Variants in DDX11 observed in about 807,000 individuals in gnomAD.
DDX11 encodes the protein ATP-dependent DNA helicase DDX11.
DDX11 carries 72 observed loss-of-function variants against 125.2 expected under a neutral mutation model. The observed-to-expected ratio is 0.58, with a 90% CI of 0.48 to 0.70. The LOEUF (loss-of-function observed/expected upper bound fraction) is 0.70, where lower values mean the gene tolerates loss of function less well. Among genes scored for constraint, DDX11 ranks in the 30% least tolerant of loss-of-function variants. The pLI is 0.00. For synonymous variants in DDX11, 347 were observed against 452.6 expected, an observed-to-expected ratio of 0.77 and a Z score of 2.96; for missense variants, 883 against 1,165.0, an observed-to-expected ratio of 0.76 and a Z score of 3.52.
intron 7 of DDX11, 38 bp downstream of exon 7, chr12:31,089,189 G>C (rs1943705220): frequency 6.4e-7 from 1 of 1,563,150 alleles, no homozygotes; most frequent in South Asian, 1.1e-5. Flanking sequence ...GGGCCATCCT[G>C]CTCCTTTCGC....
At chr12:31,095,827 G>A (rs1344415355) in intron 14 of DDX11, among the ~76,000 whole-genome samples, 4 of 152,100 alleles carry the variant, frequency 2.6e-5, no homozygotes, top group Non-Finnish European at 5.9e-5. Context: ...TCACCATTGA[G>A]GGAATCCTCA....
intron 5 of DDX11, 169 bp from the exon 6 acceptor site, chr12:31,087,769 G>C (rs1943414431): frequency 8.4e-7 from 1 of 1,187,532 alleles, no homozygotes; most frequent in Non-Finnish European, 1.2e-6. Context: ...ATGGGAGGTT[G>C]GGGTTGGCAT....
chr12:31,089,639 G>T, intron 8 of DDX11, 149 bp downstream of exon 8: 1 of 1,027,580 alleles, frequency 9.7e-7, no homozygotes, highest in South Asian at 1.4e-5. Context: ...TTGGGAAAAA[G>T]TGTTCCTACT....
At chr12:31,089,678 T>G (rs1029586013) in intron 8 of DDX11, 188 bp downstream of exon 8, 10 of 1,169,762 alleles carry the variant, frequency 8.5e-6, no homozygotes, top group Non-Finnish European at 1.1e-5. Context: ...TCCGAATCCT[T>G]GGCTTGGAGA....
At chr12:31,099,581 T>C (rs2553123) in intron 18 of DDX11, among the ~76,000 whole-genome samples, 73,819 of 140,978 alleles carry the variant, frequency 0.52, 20,580 homozygotes, top group East Asian at 0.81. Context: ...CCTCTTTGCC[T>C]TTAGAGTGTA....
Position 31,083,983 on chromosome 12 carries a change from G to A in DDX11, c.315G>A (p.Pro105=), listed in dbSNP as rs146986956. ...SSSCEGAAGT[P]RPAGEPAWVT... ...CCTGCGAAGGGGCTGCAGGCACCCCGAGGCCTGCTGGAGAACCGGCCTGGG... is the reference window on the plus strand; with the variant it reads ...CCTGCGAAGGGGCTGCAGGCACCCCAAGGCCTGCTGGAGAACCGGCCTGGG... Residue 105 remains proline (P), a synonymous_variant, in exon 3 of 27, where the codon CCG becomes CCA. Coordinates refer to ENST00000542838, the MANE Select transcript of DDX11 (RefSeq NM_030653.4). The A allele has an allele frequency of 4.2e-4, 673 of 1,613,938 alleles. 4 individuals are homozygous for A. In the African/African-American group the frequency reaches 7.8e-3, roughly 19 times the overall value.
intron 1 of DDX11, among the ~76,000 whole-genome samples, chr12:31,077,781 G>A (rs1216168336): frequency 6.6e-6 from 1 of 151,564 alleles, no homozygotes; most frequent in Non-Finnish European, 1.5e-5. Context: ...GAGGCGGAGC[G>A]TGCAGTGAGC....
Position 31,093,313 on chromosome 12 carries a change from C to CTG in DDX11, c.1361_1362dup (p.Leu455CysfsTer2), listed in dbSNP as rs1944568511. On this transcript the variant is annotated frameshift_variant, in exon 12 of 27. Coordinates refer to ENST00000542838, the MANE Select transcript of DDX11 (RefSeq NM_030653.4). LOFTEE classifies it high-confidence loss of function. ...CTGTATTTGCTGGAGAAATTCGTGGCTGTGCTAGGGGGTGAGAGCCTCGTC... is the reference window on the plus strand; with the variant it reads ...CTGTATTTGCTGGAGAAATTCGTGGCTGTGTGCTAGGGGGTGAGAGCCTCGTC... The CTG allele has an allele frequency of 6.2e-7, 1 of 1,613,630 alleles. No homozygotes were observed. Among genetic ancestry groups the CTG allele is most frequent in the African/African-American group, 1.3e-5 (1 of 74,886 alleles).
intron 20 of DDX11, 193 bp downstream of exon 20, chr12:31,101,323 C>T: frequency 1.6e-6 from 1 of 628,922 alleles, no homozygotes; most frequent in South Asian, 1.8e-5. Flanking sequence ...CTTCCCCGCC[C>T]CTCACGCCTT....
Position 31,104,356 on chromosome 12 carries a change from G to A in DDX11, c.*520G>A. 1 of 337,936 alleles carries A rather than the reference G, an allele frequency of 3.0e-6. No homozygotes were observed. The highest frequency in any genetic ancestry group is 3.7e-5 in the South Asian group (1 of 27,050). The allele number at this position is 337,936 out of a possible 1,614,324, so 20.9% of individuals were successfully genotyped here. A position where few individuals can be genotyped will look rare whatever the true frequency, so the allele number is the denominator to read the frequency against. On this transcript the variant is annotated 3_prime_UTR_variant, in exon 27 of 27. Coordinates refer to ENST00000542838, the MANE Select transcript of DDX11 (RefSeq NM_030653.4). ...GTCACCTTCCCCTCCTCCTTCCTGA[G>A]TCACTCCTTCAGTAGAAGGCCCTGC...
At position 31,103,801 on chromosome 12, in the gene DDX11, G is replaced by A. The variant is rs1317972662; in HGVS notation, c.2692-6G>A. Reference sequence around the variant, plus strand: ...TCACATTTCTCACTGCCTTCTGTCTGCCCAGTTTCACCGGGAGAAGTCGGC... The same window carrying A: ...TCACATTTCTCACTGCCTTCTGTCTACCCAGTTTCACCGGGAGAAGTCGGC... On this transcript the variant is annotated splice_polypyrimidine_tract_variant and splice_region_variant and intron_variant, in intron 26 of 26. Transcript: ENST00000542838. The A allele has an allele frequency of 3.7e-6, 6 of 1,613,776 alleles. No homozygotes were observed. The highest frequency in any genetic ancestry group is 5.1e-6 in the Non-Finnish European group (6 of 1,179,828).
chr12:31,102,269 C>G lies in DDX11; in HGVS notation c.2229C>G (p.His743Gln), dbSNP rs760610637. 9 of 1,614,008 alleles carry G rather than the reference C, an allele frequency of 5.6e-6. No homozygotes were observed. In the Admixed American group the frequency reaches 1.5e-4, roughly 27 times the overall value. Residue 743 changes from histidine (H) to glutamine (Q), a missense_variant, in exon 22 of 27, where the codon CAC (histidine) becomes CAG (glutamine). By Grantham distance (24) the His-to-Gln change is conservative (BLOSUM62 0). This residue lies in a region of DDX11 where 285 missense variants were observed against 346.0 expected (regional missense o/e 0.82). Transcript: ENST00000542838. ...KKIFQEPKSA[H>Q]QVEQVLLAYS... ...TATTCCAGGAACCTAAGAGCGCACA[C>G]CAGGTGGAGCAGGTGCTGCTGGCAT...
intron 12 of DDX11, chr12:31,094,296 T>C: frequency 2.5e-6 from 1 of 407,940 alleles, no homozygotes; most frequent in Non-Finnish European, 4.7e-6. Context: ...TCCGGTGCCC[T>C]GCATACCTTG....
rs1481937606 is a variant in DDX11, at chr12:31,097,832, G to A, written c.1763-53G>A. The A allele has an allele frequency of 3.5e-5, 38 of 1,083,944 alleles. 1 individual carries two copies. Among genetic ancestry groups the A allele is most frequent in the Non-Finnish European group, 4.2e-5 (30 of 712,546 alleles). The allele number at this position is 1,083,944 out of a possible 1,614,324, so 67.1% of individuals were successfully genotyped here. ...CCTGGGGGACCCCCTTTGCTGGGAC[G>A]ACAGAAGTGTCTGTTGGGCTTGCAC... On this transcript the variant is annotated intron_variant, in intron 17 of 26. Coordinates refer to ENST00000542838, the MANE Select transcript of DDX11 (RefSeq NM_030653.4).
At chr12:31,102,351 G>C in intron 22 of DDX11, 40 bp downstream of exon 22, 1 of 1,610,028 alleles carries the variant, frequency 6.2e-7, no homozygotes, top group South Asian at 1.1e-5. Context: ...AGATCGTGTG[G>C]GGGTGGCAGC....
chr12:31,077,915 G>A (rs1480581923), intron 1 of DDX11: 1 of 317,552 alleles, frequency 3.1e-6, no homozygotes, highest in Non-Finnish European at 6.2e-6. Context: ...TGTGCTTATG[G>A]TCCTCTGCCT....
rs1241333461 is a variant in DDX11 at position 31,088,450 on chromosome 12, C to T, written c.684+467C>T. Among the ~76,000 whole-genome samples the T allele has an allele frequency of 2.6e-5, 4 of 152,154 alleles. No homozygotes were observed. The East Asian group carries it at 7.7e-4, about 29-fold the overall frequency. Reference sequence around the variant, plus strand: ...CATGAGTCCCCTGCCCTTTGGGTCTCTCATGGTGTGCTTCTCCCTTTGTCT... The same window carrying T: ...CATGAGTCCCCTGCCCTTTGGGTCTTTCATGGTGTGCTTCTCCCTTTGTCT... On this transcript the variant is annotated intron_variant, in intron 6 of 26. Coordinates refer to ENST00000542838, the MANE Select transcript of DDX11 (RefSeq NM_030653.4).
intron 2 of DDX11, among the ~76,000 whole-genome samples, chr12:31,080,948 C>T (rs1440513059): frequency 1.3e-5 from 2 of 152,142 alleles, no homozygotes; most frequent in Non-Finnish European, 2.9e-5. Context: ...CACTATGCTG[C>T]TCAGGCCGGT....
intron 7 of DDX11, 110 bp downstream of exon 7, chr12:31,089,261 T>A (rs1318151947): frequency 3.0e-6 from 4 of 1,338,622 alleles, no homozygotes; most frequent in East Asian, 4.7e-5. Flanking sequence ...GGCTGAACCG[T>A]GTGAGGAGCA....
Sources: gnomAD v4.1 joint callset for allele counts (sites outside exome capture counted in the v4.1 genomes callset) on GRCh38, gnomAD v4.1.1 for gene constraint, gnomAD v4.1.1 regional missense constraint, MANE v1.5 for transcripts, NCBI Gene and HGNC (gene_info 2026-07-23, HGNC 2026-07-21) for gene names.